GAB4: variants seen among roughly 807,000 people sequenced by gnomAD.
The protein encoded by GAB4 is GRB2 associated binding protein family member 4.
In GAB4, 26 loss-of-function variants were observed where a neutral mutation model predicts 51.3. That is an observed-to-expected ratio of 0.51 (90% confidence interval 0.37 to 0.70). The LOEUF is 0.70. GAB4 is among the 30% of genes least tolerant of loss of function. The pLI, the probability that GAB4 is intolerant of heterozygous loss-of-function variation, is 0.00. For synonymous variants in GAB4, 329 were observed against 291.2 expected, an observed-to-expected ratio of 1.13 and a Z score of -1.32; for missense variants, 759 against 734.6, an observed-to-expected ratio of 1.03 and a Z score of -0.38.
intron 1 of GAB4, among the ~76,000 whole-genome samples, chr22:16,998,514 G>A (rs2060969035): frequency 6.6e-6 from 1 of 152,212 alleles, no homozygotes. Flanking sequence ...AGACTTGGCT[G>A]AAGTTGCTTA....
Position 17,008,183 on chromosome 22 carries a change from G to C in GAB4, c.-69C>G. 1 of 1,155,166 alleles carries C rather than the reference G, an allele frequency of 8.7e-7. No individual in the cohort carries two copies. The highest frequency in any genetic ancestry group is 2.7e-4 in the Middle Eastern group (1 of 3,726). The allele number at this position is 1,155,166 out of a possible 1,614,324, so 71.6% of individuals were successfully genotyped here. A position where few individuals can be genotyped will look rare whatever the true frequency, so the allele number is the denominator to read the frequency against. On this transcript the variant is annotated 5_prime_UTR_variant, in exon 1 of 10. Transcript: ENST00000400588. The stretch of plus-strand genomic sequence containing the variant: ...GGGCGTTGCTGGAGGTGGGGTGTGA[G>C]GGACGGCTTGCGATACCCTGGGACT...
chr22:16,971,309 A>C (rs2060729908), intron 3 of GAB4, among the ~76,000 whole-genome samples: 1 of 152,224 alleles, frequency 6.6e-6, no homozygotes, highest in African/African-American at 2.4e-5. Flanking sequence ...GCTGCCACCG[A>C]TAAGCTCTGT....
At chr22:16,981,930 C>T (rs1370980367) in intron 3 of GAB4, among the ~76,000 whole-genome samples, 1 of 152,142 alleles carries the variant, frequency 6.6e-6, no homozygotes, top group African/African-American at 2.4e-5. Context: ...GAACATGATA[C>T]ACCACATTAA....
Position 16,992,097 on chromosome 22 carries a change from T to G in GAB4, c.254A>C (p.Asp85Ala), listed in dbSNP as rs778919812. Reference sequence around the variant, plus strand: ...GGTGCGCAGGGGCTTCTTGGAGCCATCATTCTTGTAGTATTCCAGAACATC... The same window carrying G: ...GGTGCGCAGGGGCTTCTTGGAGCCAGCATTCTTGTAGTATTCCAGAACATC... The part of the protein sequence containing the change: ...DPDVLEYYKN[D>A]GSKKPLRTIN... Residue 85 changes from aspartate (D) to alanine (A), a missense_variant, in exon 2 of 10, where the codon GAT (aspartate) becomes GCT (alanine). Physicochemically the swap from Asp to Ala is moderately radical, Grantham distance 126. This residue lies in a region of GAB4 where 88 missense variants were observed against 151.3 expected (regional missense o/e 0.58). Coordinates refer to ENST00000400588, the MANE Select transcript of GAB4 (RefSeq NM_001037814.1). The G allele has an allele frequency of 1.2e-5, 19 of 1,614,096 alleles. 1 individual carries two copies. The South Asian group carries it at 1.9e-4, about 16-fold the overall frequency.
At chr22:16,963,001 G>T in intron 9 of GAB4, 125 bp from the exon 10 acceptor site, 1 of 837,710 alleles carries the variant, frequency 1.2e-6, no homozygotes, top group Non-Finnish European at 1.8e-6. Flanking sequence ...CCTGCTCTCA[G>T]CAGCCTGGGG....
intron 3 of GAB4, among the ~76,000 whole-genome samples, chr22:16,985,267 G>A (rs1490835528): frequency 2.0e-5 from 3 of 152,138 alleles, no homozygotes; most frequent in East Asian, 1.9e-4. Context: ...GTCTTTGTAG[G>A]CTAGCTCCAA....
At chr22:16,979,624 C>T (rs946259852) in intron 3 of GAB4, among the ~76,000 whole-genome samples, 5 of 152,212 alleles carry the variant, frequency 3.3e-5, no homozygotes, top group Non-Finnish European at 7.3e-5. Context: ...ATGCTATTCC[C>T]ATCAAGCTAC....
In GAB4 at chr22:16,988,010, C is replaced by T. The variant is rs770753228; in HGVS notation, c.636G>A (p.Pro212=). 15 of 1,609,754 alleles carry T rather than the reference C, an allele frequency of 9.3e-6. No individual in the cohort carries two copies. The Admixed American group carries it at 2.2e-4, about 24-fold the overall frequency. The change falls in exon 3 of 10, where the codon CCG becomes CCA. Residue 212 remains proline, a synonymous_variant. Coordinates refer to ENST00000400588, the MANE Select transcript of GAB4 (RefSeq NM_001037814.1). ...CGTGCTGGTGCGAGCGGAGACACCC[C>T]GGAGGTGCAGGGATGGGCCAGGTGG... ...VPPTWPIPAP[P]GCLRSHQHAS...
At chr22:16,991,313 GAA>G (rs59969063) in intron 2 of GAB4, among the ~76,000 whole-genome samples, 7 of 117,310 alleles carry the variant, frequency 6.0e-5, no homozygotes, top group Admixed American at 8.5e-5. Context: ...TCTGCCTCAG[GAA>G]AAAAAAAAAA....
At chr22:16,979,568 A>G (rs2060809909) in intron 3 of GAB4, among the ~76,000 whole-genome samples, 1 of 152,222 alleles carries the variant, frequency 6.6e-6, no homozygotes. Flanking sequence ...AGGAAGAATC[A>G]ATATCGTGAA....
chr22:16,989,646 G>T (rs1159474734), intron 2 of GAB4, among the ~76,000 whole-genome samples: 1 of 152,196 alleles, frequency 6.6e-6, no homozygotes, highest in Non-Finnish European at 1.5e-5. Context: ...TCTACCAGTG[G>T]AGGAGCAAGG....
chr22:16,982,662 T>G (rs1412056443), intron 3 of GAB4, among the ~76,000 whole-genome samples: 1 of 152,090 alleles, frequency 6.6e-6, no homozygotes, highest in Non-Finnish European at 1.5e-5. Flanking sequence ...ATTCTAAAAT[T>G]TATATGAAAC....
At chr22:16,970,439 G>A (rs1287203075) in intron 3 of GAB4, among the ~76,000 whole-genome samples, 1 of 152,166 alleles carries the variant, frequency 6.6e-6, no homozygotes, top group Admixed American at 6.5e-5. Context: ...TTTGCAGGTT[G>A]CTTAGAAATC....
In GAB4 at chr22:16,991,784, G is replaced by C. The variant is rs937284690; in HGVS notation, c.478+89C>G. On this transcript the variant is annotated intron_variant, in intron 2 of 9. Coordinates refer to ENST00000400588, the MANE Select transcript of GAB4 (RefSeq NM_001037814.1). ...ATCACGAGCCCAACACTTCTTGGCA[G>C]TGTTGGCAGCTAGAGCTGCCCTCCT... 8 of 1,124,676 alleles carry C rather than the reference G, an allele frequency of 7.1e-6. No individual in the cohort carries two copies. The African/African-American group carries it at 1.1e-4, about 15-fold the overall frequency. 69.7% of individuals were successfully genotyped at this position (1,124,676 alleles called of 1,614,324 possible). A position where few individuals can be genotyped will look rare whatever the true frequency, so the allele number is the denominator to read the frequency against.
rs5992598 is a variant in GAB4 at position 16,962,097 on chromosome 22, C to T, written c.*636G>A. 25,056 of 152,600 alleles carry T rather than the reference C, an allele frequency of 0.16. 2,348 individuals carry two copies. The highest frequency in any genetic ancestry group is 0.38 in the East Asian group (1,981 of 5,178). 9.5% of individuals were successfully genotyped at this position (152,600 alleles called of 1,614,324 possible). On this transcript the variant is annotated 3_prime_UTR_variant, in exon 10 of 10. Transcript: ENST00000400588. ...CTCCAGCCCTGCTTCTTGTGGCTTT[C>T]GGCTGTTCGTCTTCATGTTTTCCCT... is the stretch of plus-strand genomic sequence containing the variant.
Position 16,965,283 on chromosome 22 carries a change from G to A in GAB4, c.1289-15C>T, listed in dbSNP as rs745835936. On this transcript the variant is annotated splice_polypyrimidine_tract_variant and intron_variant, in intron 6 of 9. Transcript: ENST00000400588. ...TGTTGGGTTGGCTGGAGCAGGAAAA[G>A]AACCTTGTCATCAGCCAGTGATGAC... 5.0e-6 allele frequency: 8 copies of A among 1,607,316 alleles called. No homozygotes were observed. Among genetic ancestry groups the A allele is most frequent in the African/African-American group, 1.3e-5 (1 of 74,820 alleles).
At chr22:16,994,034 T>C (rs1049631360) in intron 1 of GAB4, among the ~76,000 whole-genome samples, 2 of 151,970 alleles carry the variant, frequency 1.3e-5, no homozygotes, top group African/African-American at 4.8e-5. Context: ...ATCATTCCCA[T>C]CAAGACACAA....
chr22:16,982,567 T>A (rs2060835114), intron 3 of GAB4, among the ~76,000 whole-genome samples: 1 of 152,192 alleles, frequency 6.6e-6, no homozygotes, highest in Non-Finnish European at 1.5e-5. Context: ...AAAATTAATA[T>A]TGTTAAAATG....
chr22:16,963,193 C>A (rs1286054682), intron 9 of GAB4, among the ~76,000 whole-genome samples: 3 of 152,194 alleles, frequency 2.0e-5, no homozygotes, highest in African/African-American at 7.2e-5. Context: ...CAGGTGTCAA[C>A]AAGCACCAGC....
Sources: allele counts gnomAD v4.1 joint callset (sites outside exome capture counted in the v4.1 genomes callset), GRCh38; gene constraint gnomAD v4.1.1; regional missense constraint gnomAD v4.1.1; transcripts MANE v1.5; gene names NCBI Gene and HGNC (gene_info 2026-07-23, HGNC 2026-07-21).